The following ACOT7 variants were observed in gnomAD, a reference collection of about 807,000 sequenced individuals.
ACOT7 encodes the protein acyl-CoA thioesterase 7.
ACOT7 carries 12 observed loss-of-function variants against 40.2 expected under a neutral mutation model. The observed-to-expected ratio is 0.30, with a 90% CI of 0.19 to 0.48. The LOEUF is 0.48. Ranked by LOEUF, ACOT7 falls within the 20% of genes least tolerant of loss-of-function variation. The probability of loss-of-function intolerance (pLI) is 0.99; values close to 1 mark genes in which losing one functional copy is unlikely to be tolerated. For missense variants in ACOT7, 395 were observed against 530.8 expected, an observed-to-expected ratio of 0.74 and a Z score of 2.51; for synonymous variants, 228 against 219.5, an observed-to-expected ratio of 1.04 and a Z score of -0.34.
At chr1:6,316,274 A>G (rs1486696517) in intron 6 of ACOT7, among the ~76,000 whole-genome samples, 1 of 152,154 alleles carries the variant, frequency 6.6e-6, no homozygotes, top group Non-Finnish European at 1.5e-5. Flanking sequence ...GGGAGGACAG[A>G]GACATGGGGG....
intron 1 of ACOT7, among the ~76,000 whole-genome samples, chr1:6,369,427 G>A (rs1432217281): frequency 3.8e-5 from 4 of 105,422 alleles, no homozygotes; most frequent in Non-Finnish European, 5.4e-5. Context: ...TTTTTGTAGA[G>A]AAGGAGGCTC....
chr1:6,390,674 G>A (rs370763506), intron 1 of ACOT7, among the ~76,000 whole-genome samples: 4 of 151,052 alleles, frequency 2.6e-5, no homozygotes, highest in East Asian at 2.0e-4. Flanking sequence ...AGTGGCTCAC[G>A]CCTGTAATCC....
At chr1:6,305,830 A>G (rs1038412667) in intron 6 of ACOT7, among the ~76,000 whole-genome samples, 7 of 152,172 alleles carry the variant, frequency 4.6e-5, no homozygotes, top group Non-Finnish European at 8.8e-5. Context: ...TGGGGGGCCA[A>G]GGCAGGCAGC....
At chr1:6,364,305 G>A (rs540339002) in intron 1 of ACOT7, among the ~76,000 whole-genome samples, 1 of 152,294 alleles carries the variant, frequency 6.6e-6, no homozygotes, top group Non-Finnish European at 1.5e-5. Flanking sequence ...ACTTTGGGAG[G>A]CCAAGGCAGG....
intron 4 of ACOT7, among the ~76,000 whole-genome samples, chr1:6,329,575 G>A (rs1640899133): frequency 6.6e-6 from 1 of 151,890 alleles, no homozygotes; most frequent in Non-Finnish European, 1.5e-5. Context: ...AGGCGCACAG[G>A]GAAATGATGG....
chr1:6,387,298 TTCTAAA>T (rs905411932), intron 1 of ACOT7, among the ~76,000 whole-genome samples: 10 of 152,096 alleles, frequency 6.6e-5, no homozygotes, highest in Admixed American at 6.6e-5. Flanking sequence ...TGTGTATGCA[TTCTAAA>T]TCTATCTCAA....
intron 6 of ACOT7, chr1:6,307,005 C>T: frequency 9.4e-7 from 1 of 1,068,126 alleles, no homozygotes; most frequent in Non-Finnish European, 1.3e-6. Flanking sequence ...TTTCCTCTGC[C>T]TCCTCCTATA....
chr1:6,320,012 G>A (rs1474890154), intron 5 of ACOT7, among the ~76,000 whole-genome samples: 1 of 152,250 alleles, frequency 6.6e-6, no homozygotes, highest in African/African-American at 2.4e-5. Flanking sequence ...GAGGGCATGG[G>A]GGAAGCAAGA....
chr1:6,305,092 C>T (rs1640095792), intron 6 of ACOT7, among the ~76,000 whole-genome samples: 1 of 144,822 alleles, frequency 6.9e-6, no homozygotes, highest in South Asian at 2.2e-4. Flanking sequence ...CCACATCCCT[C>T]CCGGATGGGG....
At chr1:6,366,714 G>A (rs919115872) in intron 1 of ACOT7, among the ~76,000 whole-genome samples, 8 of 151,174 alleles carry the variant, frequency 5.3e-5, no homozygotes, top group African/African-American at 1.9e-4. Context: ...GGAGTACAGT[G>A]GCATGATCTC....
intron 1 of ACOT7, among the ~76,000 whole-genome samples, chr1:6,376,790 G>A (rs1419335578): frequency 1.3e-5 from 2 of 151,428 alleles, no homozygotes; most frequent in Non-Finnish European, 2.9e-5. Flanking sequence ...CAGCTACTCG[G>A]GAGGCTGAGG....
At chr1:6,360,817 G>A in intron 1 of ACOT7, 1 of 1,417,064 alleles carries the variant, frequency 7.1e-7, no homozygotes, top group South Asian at 1.4e-5. Flanking sequence ...CAGTCCAGGT[G>A]TGCTAGGCCC....
At chr1:6,268,329 G>A (rs887883746) in intron 8 of ACOT7, among the ~76,000 whole-genome samples, 1 of 152,146 alleles carries the variant, frequency 6.6e-6, no homozygotes, top group Admixed American at 6.5e-5. Flanking sequence ...CATAAGACTG[G>A]CCCTGAGCTA....
intron 8 of ACOT7, among the ~76,000 whole-genome samples, chr1:6,267,484 C>G (rs1001960696): frequency 2.0e-5 from 3 of 152,210 alleles, no homozygotes; most frequent in Non-Finnish European, 4.4e-5. Flanking sequence ...TGCCTGCCTG[C>G]CTGTCTGTGT....
At chr1:6,283,051 C>T (rs1639399595) in intron 7 of ACOT7, among the ~76,000 whole-genome samples, 1 of 152,252 alleles carries the variant, frequency 6.6e-6, no homozygotes, top group Non-Finnish European at 1.5e-5. Flanking sequence ...CCAACAAGAA[C>T]TTCCCTGTGG....
intron 5 of ACOT7, among the ~76,000 whole-genome samples, chr1:6,323,730 AAAAAAAAATAT>A (rs1490553373): frequency 2.1e-5 from 2 of 96,654 alleles, no homozygotes; most frequent in Non-Finnish European, 3.9e-5. Context: ...AAAAAAAAAA[AAAAAAAAATAT>A]ATATATATAT....
At chr1:6,354,713 GC>G (rs1424516205) in intron 1 of ACOT7, among the ~76,000 whole-genome samples, 1 of 65,274 alleles carries the variant, frequency 1.5e-5, no homozygotes, top group African/African-American at 6.6e-5. Flanking sequence ...CTGGCCTCTA[GC>G]CCCCCCATGG....
chr1:6,378,064 G>A (rs920534597), intron 1 of ACOT7, among the ~76,000 whole-genome samples: 2 of 147,974 alleles, frequency 1.4e-5, no homozygotes. Context: ...AGCAAGACTC[G>A]TCAAAACAAA....
rs1640141800 is a variant in ACOT7, at chr1:6,306,006, G to GCGAAAC, written c.713-11032_713-11027dup. Among the ~76,000 whole-genome samples, 1 of 152,082 alleles carries GCGAAAC rather than the reference G, an allele frequency of 6.6e-6. No individual in the cohort carries two copies. The highest frequency in any genetic ancestry group is 6.5e-5 in the Admixed American group (1 of 15,268). ...GCTGGAGACCAGCCCGGCCAACACA[G>GCGAAAC]CGAAACCCCGTCTCCACCAAAAAAA... On this transcript the variant is annotated intron_variant, in intron 6 of 8. Transcript: ENST00000361521. The surrounding 1 kb of genome is among the most constrained non-coding windows in gnomAD (Gnocchi z 4.3).
Sources: gnomAD v4.1 joint callset for allele counts (sites outside exome capture counted in the v4.1 genomes callset) on GRCh38, gnomAD v4.1.1 for gene constraint, Gnocchi (gnomAD v3.1) non-coding constraint, MANE v1.5 for transcripts, NCBI Gene and HGNC (gene_info 2026-07-23, HGNC 2026-07-21) for gene names.